PELI2: variants seen among roughly 807,000 people sequenced by gnomAD.
PELI2 encodes the protein E3 ubiquitin-protein ligase pellino homolog 2.
PELI2 carries 23 observed loss-of-function variants against 42.3 expected under a neutral mutation model. The ratio of observed to expected loss-of-function variants is 0.54; its 90% CI spans 0.39 to 0.77. PELI2 has a LOEUF of 0.77. PELI2 is among the 30% of genes least tolerant of loss of function. PELI2 has a pLI of 0.00. For missense variants in PELI2, 463 were observed against 553.2 expected (o/e 0.84, Z 1.64); for synonymous variants, 245 against 212.2 (o/e 1.15, Z -1.34).
In PELI2 at chr14:56,222,627, T is replaced by TAA. The variant is rs1412126603; in HGVS notation, c.207+44163_207+44164insAA. Among the ~76,000 whole-genome samples the TAA allele has an allele frequency of 5.3e-5, 8 of 152,352 alleles. No individual in the cohort carries two copies. The East Asian group carries it at 1.5e-3, about 29-fold the overall frequency. On this transcript the variant is annotated intron_variant, in intron 2 of 5. Coordinates refer to ENST00000267460, the MANE Select transcript of PELI2 (RefSeq NM_021255.3). ...TTTGATGGAAAAACTGTCTTTTTAG[T>TAA]GCACAGTGAAAGCTTAAGAGGATAG...
chr14:56,290,244 T>C (rs1428105996), intron 4 of PELI2, 24 bp from the exon 5 acceptor site: 2 of 1,474,372 alleles, frequency 1.4e-6, no homozygotes, highest in Non-Finnish European at 1.8e-6. Flanking sequence ...ACCTACTTTT[T>C]CTGTTCTGCT....
chr14:56,290,649 A>C (rs1025452992), intron 5 of PELI2, among the ~76,000 whole-genome samples, 193 bp downstream of exon 5: 1 of 152,200 alleles, frequency 6.6e-6, no homozygotes, highest in African/African-American at 2.4e-5. Flanking sequence ...CAGGGGTTCA[A>C]CTTTTCCCAT....
At position 56,178,244 on chromosome 14, in the gene PELI2, C is replaced by G. The variant is rs571655710; in HGVS notation, c.78-91C>G. On this transcript the variant is annotated intron_variant, in intron 1 of 5. Transcript: ENST00000267460. ...AGTGGGCAATTCTTTTATGACCATT[C>G]CTGTCTTTTCCCTTATTCAATACCT... The G allele has an allele frequency of 3.0e-5, 40 of 1,343,474 alleles. No homozygotes were observed. The African/African-American group carries it at 5.6e-4, about 19-fold the overall frequency. 83.2% of individuals were successfully genotyped at this position (1,343,474 alleles called of 1,614,324 possible). A position where few individuals can be genotyped will look rare whatever the true frequency, so the allele number is the denominator to read the frequency against.
intron 1 of PELI2, 106 bp from the exon 2 acceptor site, chr14:56,178,229 T>G (rs1360420184): frequency 4.2e-6 from 5 of 1,191,294 alleles, no homozygotes; most frequent in Non-Finnish European, 6.0e-6. Context: ...AGTGGGCAAT[T>G]CTTTTATGAC....
intron 2 of PELI2, among the ~76,000 whole-genome samples, chr14:56,213,270 TAC>T (rs1291568384): frequency 2.6e-5 from 4 of 152,238 alleles, no homozygotes. Flanking sequence ...TGGATGAAGT[TAC>T]AGTTTTTATC....
intron 2 of PELI2, among the ~76,000 whole-genome samples, chr14:56,217,148 A>G (rs1439015813): frequency 6.6e-6 from 1 of 152,246 alleles, no homozygotes; most frequent in Non-Finnish European, 1.5e-5. Context: ...GAGGATAACA[A>G]CAGTCCTGTG....
At chr14:56,187,561 A>C (rs1452763726) in intron 2 of PELI2, among the ~76,000 whole-genome samples, 2 of 152,328 alleles carry the variant, frequency 1.3e-5, no homozygotes, top group East Asian at 3.9e-4. Context: ...TCATTGAGGT[A>C]CCAGTGGCTG....
chr14:56,172,904 T>C (rs1467055244), intron 1 of PELI2, among the ~76,000 whole-genome samples: 2 of 152,242 alleles, frequency 1.3e-5, no homozygotes, highest in Non-Finnish European at 2.9e-5. Flanking sequence ...TTTGGCGATA[T>C]AACTTTTTCC....
rs576703197 is a variant in PELI2 at position 56,223,197 on chromosome 14, C to G, written c.207+44733C>G. Among the ~76,000 whole-genome samples the G allele has an allele frequency of 2.6e-5, 4 of 152,274 alleles. No individual in the cohort carries two copies. The South Asian group carries it at 8.3e-4, about 32-fold the overall frequency. On this transcript the variant is annotated intron_variant, in intron 2 of 5. Coordinates refer to ENST00000267460, the MANE Select transcript of PELI2 (RefSeq NM_021255.3). The stretch of plus-strand genomic sequence containing the variant: ...AATTGCACTATTCTCACCACCACTG[C>G]CGCTGCCAAGGGAGTCTTTCTTTCC...
At chr14:56,214,953 TCTC>T (rs1380916663) in intron 2 of PELI2, among the ~76,000 whole-genome samples, 3 of 152,194 alleles carry the variant, frequency 2.0e-5, no homozygotes, top group Non-Finnish European at 4.4e-5. Flanking sequence ...GGCTTCATAC[TCTC>T]CTGAATAGCC....
At chr14:56,182,575 T>G (rs1397852960) in intron 2 of PELI2, among the ~76,000 whole-genome samples, 1 of 152,174 alleles carries the variant, frequency 6.6e-6, no homozygotes, top group Non-Finnish European at 1.5e-5. Flanking sequence ...ATTTTACTTT[T>G]AAAAAGTAAC....
chr14:56,206,537 A>G (rs1886525181), intron 2 of PELI2, among the ~76,000 whole-genome samples: 1 of 151,870 alleles, frequency 6.6e-6, no homozygotes, highest in Admixed American at 6.6e-5. Flanking sequence ...TGTTATTTCT[A>G]TTTCCTATAT....
At chr14:56,211,257 T>TGCTG (rs71101749) in intron 2 of PELI2, among the ~76,000 whole-genome samples, 61,009 of 151,838 alleles carry the variant, frequency 0.4, 12,927 homozygotes, top group South Asian at 0.53. Flanking sequence ...ATTGCACAGT[T>TGCTG]GCTGGCTGGC....
intron 1 of PELI2, among the ~76,000 whole-genome samples, chr14:56,150,200 G>T (rs1050225733): frequency 2.6e-5 from 4 of 152,232 alleles, no homozygotes; most frequent in Non-Finnish European, 5.9e-5. Context: ...CAAGCACGGC[G>T]TAACTGTCAA....
intron 1 of PELI2, among the ~76,000 whole-genome samples, chr14:56,121,493 T>C (rs926403923): frequency 1.3e-5 from 2 of 152,234 alleles, no homozygotes; most frequent in African/African-American, 4.8e-5. Context: ...AGCCAGTTAA[T>C]GTATCATAGC....
chr14:56,183,543 A>C (rs1205644674), intron 2 of PELI2, among the ~76,000 whole-genome samples: 1 of 152,210 alleles, frequency 6.6e-6, no homozygotes, highest in Non-Finnish European at 1.5e-5. Context: ...ATGTGAATGT[A>C]GCATGGAAGT....
chr14:56,118,815 G>A, intron 1 of PELI2, 78 bp downstream of exon 1: 1 of 1,002,200 alleles, frequency 1.0e-6, no homozygotes, highest in South Asian at 1.8e-5. Flanking sequence ...CTGGCGGGGT[G>A]GCTCGGTGCT....
At chr14:56,150,214 T>C (rs1884294108) in intron 1 of PELI2, among the ~76,000 whole-genome samples, 1 of 152,260 alleles carries the variant, frequency 6.6e-6, no homozygotes, top group Admixed American at 6.5e-5. Context: ...CTGTCAAGTG[T>C]GTCTGGTGGT....
At chr14:56,181,322 C>T (rs940744859) in intron 2 of PELI2, among the ~76,000 whole-genome samples, 1 of 150,196 alleles carries the variant, frequency 6.7e-6, no homozygotes, top group African/African-American at 2.5e-5. Context: ...GCTCTGGGCC[C>T]TTCCTGACCC....
Sources: gnomAD v4.1 joint callset for allele counts (sites outside exome capture counted in the v4.1 genomes callset) on GRCh38, gnomAD v4.1.1 for gene constraint, MANE v1.5 for transcripts, NCBI Gene and HGNC (gene_info 2026-07-23, HGNC 2026-07-21) for gene names.